Variants in CACNA2D3 observed in about 807,000 individuals in gnomAD.
CACNA2D3 encodes calcium voltage-gated channel auxiliary subunit alpha2delta 3.
Under a neutral mutation model 160.6 loss-of-function variants are expected in CACNA2D3, and 60 were observed. That is an observed-to-expected ratio of 0.37 (90% CI 0.30 to 0.46). CACNA2D3 has a LOEUF of 0.46. Ranked by LOEUF, CACNA2D3 falls within the 20% of genes least tolerant of loss-of-function variation. The pLI, the probability that CACNA2D3 is intolerant of heterozygous loss-of-function variation, is 1.00. For synonymous variants in CACNA2D3, 558 were observed against 492.9 expected, an observed-to-expected ratio of 1.13 and a Z score of -1.75; for missense variants, 1,205 against 1,365.0, an observed-to-expected ratio of 0.88 and a Z score of 1.85.
At chr3:54,124,659 ATGAAACAGTT>A (rs1468045241) in intron 2 of CACNA2D3, among the ~76,000 whole-genome samples, 9 of 152,218 alleles carry the variant, frequency 5.9e-5, no homozygotes, top group African/African-American at 2.2e-4. Context: ...GGGACAGTAT[ATGAAACAGTT>A]TGCCACATGA....
chr3:55,018,601 T>G (rs149977039), intron 35 of CACNA2D3, among the ~76,000 whole-genome samples: 15 of 152,300 alleles, frequency 9.8e-5, no homozygotes, highest in Non-Finnish European at 2.2e-4. Flanking sequence ...TGGTGCTTTC[T>G]TAATTGACGG....
chr3:54,952,915 C>T (rs1701794801), intron 27 of CACNA2D3, among the ~76,000 whole-genome samples: 1 of 152,120 alleles, frequency 6.6e-6, no homozygotes, highest in African/African-American at 2.4e-5. Context: ...ACTTGTCTTC[C>T]AGCAACAAAG....
At chr3:54,277,266 AT>A (rs1702769122) in intron 2 of CACNA2D3, among the ~76,000 whole-genome samples, 1 of 152,180 alleles carries the variant, frequency 6.6e-6, no homozygotes, top group Non-Finnish European at 1.5e-5. Context: ...TTTAGGTCTT[AT>A]GTTTAAGTCT....
intron 4 of CACNA2D3, among the ~76,000 whole-genome samples, chr3:54,450,656 CAT>C (rs1468481858): frequency 6.6e-6 from 1 of 152,124 alleles, no homozygotes; most frequent in Non-Finnish European, 1.5e-5. Flanking sequence ...CCTCTCTCAG[CAT>C]GTGGTCACTG....
At chr3:54,856,972 G>C (rs771170436) in intron 17 of CACNA2D3, among the ~76,000 whole-genome samples, 3 of 152,126 alleles carry the variant, frequency 2.0e-5, no homozygotes, top group Admixed American at 6.5e-5. Flanking sequence ...GTAGAAACAG[G>C]GTTTCATCAT....
intron 2 of CACNA2D3, among the ~76,000 whole-genome samples, chr3:54,187,777 T>G (rs1425890779): frequency 1.3e-5 from 2 of 152,162 alleles, no homozygotes; most frequent in Non-Finnish European, 2.9e-5. Flanking sequence ...ATCCCTCGCA[T>G]GCACAGTTCA....
At chr3:54,672,254 T>C (rs1700175479) in intron 11 of CACNA2D3, among the ~76,000 whole-genome samples, 1 of 152,208 alleles carries the variant, frequency 6.6e-6, no homozygotes, top group South Asian at 2.1e-4. Context: ...TTGGAGTTTC[T>C]TAATTAGGCT....
intron 35 of CACNA2D3, among the ~76,000 whole-genome samples, chr3:55,042,187 T>G (rs998132536): frequency 6.6e-6 from 1 of 152,162 alleles, no homozygotes; most frequent in African/African-American, 2.4e-5. Flanking sequence ...GTTGAAATCT[T>G]CTGTATTCTA....
intron 2 of CACNA2D3, among the ~76,000 whole-genome samples, chr3:54,286,791 G>T (rs1201484751): frequency 2.0e-5 from 3 of 152,096 alleles, no homozygotes; most frequent in Non-Finnish European, 4.4e-5. Flanking sequence ...TTAAAGAAAA[G>T]AATTTTCAAC....
chr3:54,948,501 T>C (rs566653305), intron 27 of CACNA2D3, among the ~76,000 whole-genome samples: 2 of 152,314 alleles, frequency 1.3e-5, no homozygotes, highest in South Asian at 4.1e-4. Context: ...TGGGCAAAGG[T>C]AGCATCTTCC....
At chr3:54,437,036 G>A (rs1358862965) in intron 4 of CACNA2D3, among the ~76,000 whole-genome samples, 2 of 152,138 alleles carry the variant, frequency 1.3e-5, no homozygotes, top group African/African-American at 2.4e-5. Flanking sequence ...TAAATTATGC[G>A]TACATATTGT....
intron 11 of CACNA2D3, among the ~76,000 whole-genome samples, chr3:54,724,679 A>G (rs1701242907): frequency 6.6e-6 from 1 of 152,240 alleles, no homozygotes; most frequent in African/African-American, 2.4e-5. Context: ...TACTGGGTAA[A>G]TAAGGAAATG....
At chr3:54,934,582 GC>G (rs1302646755) in intron 27 of CACNA2D3, among the ~76,000 whole-genome samples, 1 of 152,144 alleles carries the variant, frequency 6.6e-6, no homozygotes, top group Non-Finnish European at 1.5e-5. Context: ...CCTCCCTAAA[GC>G]TAAGGAAGAC....
chr3:54,542,075 T>A (rs1701989918), intron 5 of CACNA2D3, among the ~76,000 whole-genome samples: 1 of 151,988 alleles, frequency 6.6e-6, no homozygotes, highest in Admixed American at 6.6e-5. Flanking sequence ...GTTGTTTTTG[T>A]TTTTTGAGAC....
intron 4 of CACNA2D3, among the ~76,000 whole-genome samples, chr3:54,419,028 C>G (rs1699798678): frequency 6.6e-6 from 1 of 152,090 alleles, no homozygotes; most frequent in East Asian, 1.9e-4. Flanking sequence ...CTGAATGACT[C>G]AAGGAAAAAG....
chr3:54,760,726 G>A (rs1383581655), intron 12 of CACNA2D3, among the ~76,000 whole-genome samples: 1 of 152,060 alleles, frequency 6.6e-6, no homozygotes, highest in African/African-American at 2.4e-5. Context: ...AGAACATGCT[G>A]GTGTATTACA....
chr3:54,654,598 TGGG>T (rs1216823272), intron 11 of CACNA2D3, among the ~76,000 whole-genome samples: 1 of 151,822 alleles, frequency 6.6e-6, no homozygotes, highest in African/African-American at 2.4e-5. Flanking sequence ...TTTAGAAGCT[TGGG>T]GGAGAAGCTC....
At chr3:55,046,103 T>C (rs200622021) in intron 35 of CACNA2D3, among the ~76,000 whole-genome samples, 17 of 135,612 alleles carry the variant, frequency 1.3e-4, no homozygotes, top group South Asian at 2.5e-4. Flanking sequence ...TTTTTTAACG[T>C]CTTTTTTTTT....
intron 2 of CACNA2D3, among the ~76,000 whole-genome samples, chr3:54,212,163 A>G (rs939729571): frequency 1.3e-5 from 2 of 152,238 alleles, no homozygotes; most frequent in African/African-American, 4.8e-5. Flanking sequence ...TGCCAAGGTT[A>G]AGGATGGACC....
Sources: gnomAD v4.1 joint callset for allele counts (sites outside exome capture counted in the v4.1 genomes callset) on GRCh38, gnomAD v4.1.1 for gene constraint, MANE v1.5 for transcripts, NCBI Gene and HGNC (gene_info 2026-07-23, HGNC 2026-07-21) for gene names.